CYP2J2: variants seen among roughly 807,000 people sequenced by gnomAD.
The protein encoded by CYP2J2 is cytochrome P450 family 2 subfamily J member 2.
In CYP2J2, 41 loss-of-function variants were observed where a neutral mutation model predicts 48.8. That is an observed-to-expected ratio of 0.84 (90% confidence interval 0.66 to 1.09). The LOEUF (loss-of-function observed/expected upper bound fraction) is 1.09, where lower values mean the gene tolerates loss of function less well. Ranked by LOEUF, CYP2J2 falls within the 50% of genes least tolerant of loss-of-function variation. The pLI, the probability that CYP2J2 is intolerant of heterozygous loss-of-function variation, is 0.00. For synonymous variants in CYP2J2, 221 were observed against 227.1 expected, an observed-to-expected ratio of 0.97 and a Z score of 0.24; for missense variants, 644 against 617.3, an observed-to-expected ratio of 1.04 and a Z score of -0.46.
At chr1:59,920,146 C>T (rs1328092745) in intron 1 of CYP2J2, among the ~76,000 whole-genome samples, 1 of 151,548 alleles carries the variant, frequency 6.6e-6, no homozygotes, top group African/African-American at 2.4e-5. Flanking sequence ...TGAGCCAGAT[C>T]TTAAATGAAA....
intron 3 of CYP2J2, among the ~76,000 whole-genome samples, 174 bp from the exon 4 acceptor site, chr1:59,911,942 G>A (rs1301363212): frequency 6.6e-6 from 1 of 152,176 alleles, no homozygotes; most frequent in East Asian, 1.9e-4. Context: ...CAACTCCAGG[G>A]AAGTCAAACT....
rs1644377370 is a variant in CYP2J2 at position 59,907,810 on chromosome 1, T to C, written c.979A>G (p.Met327Val). ...CCTTGGATTTCTGGGTAGAGGGCCA[T>C]ATAAAGCAGAGCCCATCGCAGAGTT... ...STTLRWALLY[M>V]ALYPEIQEKV... Residue 327 changes from methionine to valine, a missense_variant, in exon 6 of 9, where the codon ATG becomes GTG. By Grantham distance (21) the Met-to-Val change is conservative. Transcript: ENST00000371204. 6.2e-7 allele frequency: 1 copy of C among 1,613,848 alleles called. No homozygotes were observed. The highest frequency in any genetic ancestry group is 1.3e-5 in the African/African-American group (1 of 74,870).
chr1:59,911,816 C>T (rs776980681), intron 3 of CYP2J2, 48 bp from the exon 4 acceptor site: 3 of 1,568,688 alleles, frequency 1.9e-6, no homozygotes, highest in Admixed American at 1.7e-5. Flanking sequence ...GGATTTGTCT[C>T]CATTTCCTAC....
chr1:59,958,981 C>G, the CYP2J2 span, among the ~76,000 whole-genome samples: 2 of 152,154 alleles, frequency 1.3e-5, no homozygotes, highest in Non-Finnish European at 2.9e-5. Flanking sequence ...TTTTAACTAG[C>G]TTAGATTCTA....
the CYP2J2 span, among the ~76,000 whole-genome samples, chr1:59,938,750 G>A: frequency 6.6e-6 from 1 of 152,156 alleles, no homozygotes; most frequent in Non-Finnish European, 1.5e-5. Context: ...GTCAGGCTGG[G>A]GGACGGTCAG....
At chr1:59,969,086 C>A in the CYP2J2 span, among the ~76,000 whole-genome samples, 2 of 152,300 alleles carry the variant, frequency 1.3e-5, no homozygotes, top group South Asian at 4.1e-4. Flanking sequence ...AGGAGTGAAG[C>A]TGCAGACCTT....
Position 59,893,768 on chromosome 1 carries a change from G to C in CYP2J2, c.1392C>G (p.Ser464=). Residue 464 remains serine (S), a synonymous_variant, in exon 9 of 9, where the codon TCC becomes TCG. Transcript: ENST00000371204. The stretch of plus-strand genomic sequence containing the variant: ...GCCTGAAGGTAAATTTTTGCATAAG[G>C]GAAGTGAAGAAAATAAACAGCTCAG... ...ARTELFIFFT[S]LMQKFTFRPP... 1.2e-6 allele frequency: 2 copies of C among 1,613,380 alleles called. No individual in the cohort carries two copies. The highest frequency in any genetic ancestry group is 1.7e-6 in the Non-Finnish European group (2 of 1,179,712).
intron 8 of CYP2J2, among the ~76,000 whole-genome samples, chr1:59,897,108 C>T (rs765027160): frequency 4.6e-5 from 7 of 152,158 alleles, no homozygotes; most frequent in Non-Finnish European, 1.0e-4. Flanking sequence ...ATTATTTGTG[C>T]CTGTTTTCCC....
the CYP2J2 span, among the ~76,000 whole-genome samples, chr1:59,940,217 C>G: frequency 6.6e-6 from 1 of 152,130 alleles, no homozygotes; most frequent in Admixed American, 6.5e-5. Flanking sequence ...AGAGTCTCAC[C>G]CAAGGCCCAC....
At position 59,912,154 on chromosome 1, in the gene CYP2J2, A is replaced by G. The variant is rs375879970; in HGVS notation, c.523+8T>C. 5.2e-5 allele frequency: 83 copies of G among 1,610,564 alleles called. No individual in the cohort carries two copies. The highest frequency in any genetic ancestry group is 6.3e-5 in the Non-Finnish European group (74 of 1,178,418). On this transcript the variant is annotated splice_region_variant and intron_variant, in intron 3 of 8. Coordinates refer to ENST00000371204, the MANE Select transcript of CYP2J2 (RefSeq NM_000775.4). Reference sequence around the variant, plus strand: ...CAGTCTCTCACCTCTGTCATATGCAATGCTCACCGTTCTCCTCTTTTATTG... The same window carrying G: ...CAGTCTCTCACCTCTGTCATATGCAGTGCTCACCGTTCTCCTCTTTTATTG...
chr1:59,919,752 C>T (rs1430058035), intron 1 of CYP2J2, among the ~76,000 whole-genome samples: 1 of 152,140 alleles, frequency 6.6e-6, no homozygotes, highest in East Asian at 1.9e-4. Flanking sequence ...CAGGAGTTAC[C>T]AGTCCTCTGG....
At chr1:59,917,601 AGAAT>A (rs1476515175) in intron 1 of CYP2J2, among the ~76,000 whole-genome samples, 1 of 152,200 alleles carries the variant, frequency 6.6e-6, no homozygotes, top group Non-Finnish European at 1.5e-5. Flanking sequence ...AGTGAAAGTA[AGAAT>A]GAGTGAGAGT....
At chr1:59,962,372 T>C in the CYP2J2 span, among the ~76,000 whole-genome samples, 1 of 152,122 alleles carries the variant, frequency 6.6e-6, no homozygotes, top group Non-Finnish European at 1.5e-5. Context: ...GTAGCCAGCC[T>C]GAGAAGAAAC....
chr1:59,907,187 A>C (rs1358467736), intron 6 of CYP2J2, among the ~76,000 whole-genome samples: 1 of 152,208 alleles, frequency 6.6e-6, no homozygotes, highest in East Asian at 1.9e-4. Context: ...GGGAGCACAG[A>C]AACATCTTAG....
At chr1:59,938,649 G>A in the CYP2J2 span, among the ~76,000 whole-genome samples, 1 of 152,088 alleles carries the variant, frequency 6.6e-6, no homozygotes, top group East Asian at 1.9e-4. Flanking sequence ...CCGTTCCCAG[G>A]GGCAGGCAGG....
the CYP2J2 span, among the ~76,000 whole-genome samples, chr1:59,967,435 C>T: frequency 1.3e-5 from 2 of 152,350 alleles, no homozygotes; most frequent in East Asian, 3.9e-4. Context: ...GCTGCATTAA[C>T]ATGGCCTACC....
chr1:59,923,285 T>C (rs899545717), intron 1 of CYP2J2, among the ~76,000 whole-genome samples: 6 of 152,238 alleles, frequency 3.9e-5, no homozygotes, highest in Non-Finnish European at 5.9e-5. Flanking sequence ...ATAACCTGCA[T>C]TGATATTTGA....
intron 1 of CYP2J2, among the ~76,000 whole-genome samples, chr1:59,922,213 G>A (rs1644522890): frequency 6.6e-6 from 1 of 152,234 alleles, no homozygotes; most frequent in South Asian, 2.1e-4. Flanking sequence ...ATAGTCTCGG[G>A]CTCAAATCCT....
At chr1:59,940,712 C>T in the CYP2J2 span, among the ~76,000 whole-genome samples, 1 of 152,122 alleles carries the variant, frequency 6.6e-6, no homozygotes, top group Non-Finnish European at 1.5e-5. Flanking sequence ...ATCAATATAT[C>T]TATTGATCTG....
Sources: allele counts gnomAD v4.1 joint callset (sites outside exome capture counted in the v4.1 genomes callset), GRCh38; gene constraint gnomAD v4.1.1; transcripts MANE v1.5; gene names NCBI Gene and HGNC (gene_info 2026-07-23, HGNC 2026-07-21).